The following RAD51B variants were observed in gnomAD, a reference collection of about 807,000 sequenced individuals.
RAD51B encodes DNA repair protein RAD51 homolog 2.
RAD51B carries 38 observed loss-of-function variants against 42.2 expected under a neutral mutation model. The ratio of observed to expected loss-of-function variants is 0.90; its 90% CI spans 0.70 to 1.18. RAD51B has a LOEUF of 1.18. Among genes scored for constraint, RAD51B ranks in the 50% most tolerant of loss-of-function variants. The pLI, the probability that RAD51B is intolerant of heterozygous loss-of-function variation, is 0.00. For missense variants in RAD51B, 373 were observed against 400.7 expected (o/e 0.93, Z 0.59); for synonymous variants, 154 against 145.2 (o/e 1.06, Z -0.43).
intron 10 of RAD51B, among the ~76,000 whole-genome samples, chr14:68,582,575 C>A (rs1431274454): frequency 6.6e-6 from 1 of 152,174 alleles, no homozygotes; most frequent in African/African-American, 2.4e-5. Context: ...TTCGTCCAAC[C>A]ATTGTGGAAG....
intron 7 of RAD51B, among the ~76,000 whole-genome samples, chr14:67,936,700 C>T (rs781776955): frequency 1.1e-4 from 16 of 152,142 alleles, no homozygotes; most frequent in Admixed American, 2.0e-4. Flanking sequence ...CTACCAGCAG[C>T]GAGCTAGGGT....
chr14:68,483,860 G>A (rs1328393887), intron 10 of RAD51B, among the ~76,000 whole-genome samples: 2 of 152,134 alleles, frequency 1.3e-5, no homozygotes, highest in African/African-American at 4.8e-5. Context: ...GCTGCTTTTG[G>A]TTTTCCTTCC....
chr14:68,011,521 A>G (rs990907625), intron 7 of RAD51B, among the ~76,000 whole-genome samples: 3 of 152,072 alleles, frequency 2.0e-5, no homozygotes, highest in East Asian at 1.9e-4. Flanking sequence ...AAATGAGGTC[A>G]TGTAGCTTTG....
At chr14:68,190,724 T>C (rs1485723816) in intron 7 of RAD51B, among the ~76,000 whole-genome samples, 1 of 152,198 alleles carries the variant, frequency 6.6e-6, no homozygotes, top group Admixed American at 6.5e-5. Context: ...GACTCCATTT[T>C]TAAAAAGTTA....
Position 68,381,071 on chromosome 14 carries a change from A to G in RAD51B, c.854-30353A>G, listed in dbSNP as rs529526592. On this transcript the variant is annotated intron_variant, in intron 8 of 10. Transcript: ENST00000471583. ...TATTACAAATCCATAATTCTTTCCT[A>G]TTTCCCCATATATCCTGTTTTCTTT... Among the ~76,000 whole-genome samples the G allele has an allele frequency of 1.1e-4, 16 of 152,278 alleles. No individual in the cohort carries two copies. The East Asian group carries it at 2.1e-3, about 20-fold the overall frequency.
chr14:68,670,603 A>G (rs1481472676), intron 11 of RAD51B, among the ~76,000 whole-genome samples: 2 of 152,130 alleles, frequency 1.3e-5, no homozygotes, highest in Non-Finnish European at 2.9e-5. Flanking sequence ...CTGACCCCTC[A>G]CATCCTCTGT....
chr14:68,106,285 C>CT (rs1030295272), intron 7 of RAD51B, among the ~76,000 whole-genome samples: 7 of 147,676 alleles, frequency 4.7e-5, no homozygotes, highest in Admixed American at 1.3e-4. Flanking sequence ...TTGTTTCTTA[C>CT]TTAAAAAAAT....
intron 10 of RAD51B, among the ~76,000 whole-genome samples, chr14:68,535,004 G>A (rs1177091010): frequency 4.6e-5 from 7 of 152,142 alleles, no homozygotes; most frequent in African/African-American, 1.7e-4. Context: ...TTGAGGCACA[G>A]AAAGGTTAAG....
chr14:68,390,867 A>G (rs2083729862), intron 8 of RAD51B, among the ~76,000 whole-genome samples: 1 of 152,216 alleles, frequency 6.6e-6, no homozygotes, highest in African/African-American at 2.4e-5. Context: ...AGGAAGGATT[A>G]GGGTGTCCTC....
intron 7 of RAD51B, among the ~76,000 whole-genome samples, chr14:68,199,672 G>T (rs1381963715): frequency 6.6e-6 from 1 of 152,156 alleles, no homozygotes; most frequent in African/African-American, 2.4e-5. Context: ...TCCCCCTTCA[G>T]TTCTTTGGTC....
intron 10 of RAD51B, among the ~76,000 whole-genome samples, chr14:68,608,441 G>T (rs566938952): frequency 2.0e-5 from 3 of 152,206 alleles, no homozygotes; most frequent in Non-Finnish European, 4.4e-5. Flanking sequence ...GAGGGGCCTT[G>T]CTTGAGCGTG....
chr14:67,966,115 A>G (rs1042503938), intron 7 of RAD51B, among the ~76,000 whole-genome samples: 1 of 152,188 alleles, frequency 6.6e-6, no homozygotes, highest in African/African-American at 2.4e-5. Context: ...CATAGTAGTT[A>G]ATTTCAAGAA....
chr14:67,870,419 C>T (rs2042485834), intron 5 of RAD51B, among the ~76,000 whole-genome samples: 1 of 148,814 alleles, frequency 6.7e-6, no homozygotes, highest in South Asian at 2.1e-4. Flanking sequence ...AATACAGGAG[C>T]ACCCAGATTC....
chr14:67,822,559 C>CA (rs141997099), intron 1 of RAD51B, among the ~76,000 whole-genome samples: 2,880 of 151,690 alleles, frequency 0.019, 86 homozygotes, highest in African/African-American at 0.065. Context: ...CCTGTCTCTA[C>CA]AAAAAATACA....
intron 8 of RAD51B, among the ~76,000 whole-genome samples, chr14:68,306,155 A>G (rs898225142): frequency 2.6e-5 from 4 of 152,242 alleles, no homozygotes; most frequent in African/African-American, 9.6e-5. Context: ...TATATTAACA[A>G]ACGTTTGTAG....
At chr14:68,568,431 G>A (rs1889531016) in intron 10 of RAD51B, among the ~76,000 whole-genome samples, 1 of 152,160 alleles carries the variant, frequency 6.6e-6, no homozygotes, top group African/African-American at 2.4e-5. Flanking sequence ...TGGTTAAATT[G>A]CCTGTGGTCC....
At chr14:68,267,611 A>G (rs1441245894) in intron 7 of RAD51B, among the ~76,000 whole-genome samples, 2 of 152,260 alleles carry the variant, frequency 1.3e-5, no homozygotes, top group East Asian at 3.8e-4. Flanking sequence ...GAACTCCCAT[A>G]GTATGTATAG....
At chr14:68,525,619 C>T (rs778686998) in intron 10 of RAD51B, among the ~76,000 whole-genome samples, 3 of 152,184 alleles carry the variant, frequency 2.0e-5, no homozygotes, top group Admixed American at 6.5e-5. Context: ...CTCTTCTTGA[C>T]GAGTGATGTT....
chr14:68,099,439 C>A (rs1178295529), intron 7 of RAD51B, among the ~76,000 whole-genome samples: 1 of 152,216 alleles, frequency 6.6e-6, no homozygotes, highest in African/African-American at 2.4e-5. Flanking sequence ...TTCTTAAATT[C>A]TTTTACTTCA....
Sources: gnomAD v4.1 joint callset for allele counts (sites outside exome capture counted in the v4.1 genomes callset) on GRCh38, gnomAD v4.1.1 for gene constraint, MANE v1.5 for transcripts, NCBI Gene and HGNC (gene_info 2026-07-23, HGNC 2026-07-21) for gene names.